TENM3: variants seen among roughly 807,000 people sequenced by gnomAD.
TENM3 encodes teneurin transmembrane protein 3.
TENM3 carries 63 observed loss-of-function variants against 255.1 expected under a neutral mutation model. The observed-to-expected ratio is 0.25, with a 90% CI of 0.20 to 0.30. The LOEUF is 0.30. Ranked by LOEUF, TENM3 falls within the 10% of genes least tolerant of loss-of-function variation. The probability of loss-of-function intolerance (pLI) is 1.00; values close to 1 mark genes in which losing one functional copy is unlikely to be tolerated. For missense variants in TENM3, 2,929 were observed against 3,461.1 expected (o/e 0.85, Z 3.86); for synonymous variants, 1,306 against 1,322.3 (o/e 0.99, Z 0.27).
intron 22 of TENM3, among the ~76,000 whole-genome samples, chr4:182,768,768 A>AC (rs1228601008): frequency 6.6e-6 from 1 of 152,190 alleles, no homozygotes; most frequent in Non-Finnish European, 1.5e-5. Context: ...CAAATTAAAG[A>AC]CCAACAAACA....
At chr4:182,021,850 T>A in the TENM3 span, among the ~76,000 whole-genome samples, 2 of 152,150 alleles carry the variant, frequency 1.3e-5, no homozygotes, top group African/African-American at 4.8e-5. Context: ...ATCACCTTTC[T>A]AATCAGAAAA....
the TENM3 span, among the ~76,000 whole-genome samples, chr4:181,607,026 G>A: frequency 6.6e-6 from 1 of 152,136 alleles, no homozygotes; most frequent in Non-Finnish European, 1.5e-5. Context: ...ACACAAGCTT[G>A]TTCACTTATA....
At chr4:181,516,365 A>AT in the TENM3 span, among the ~76,000 whole-genome samples, 5 of 73,888 alleles carry the variant, frequency 6.8e-5, no homozygotes, top group Non-Finnish European at 1.2e-4. Context: ...AATAAAAAAT[A>AT]TTTAAAAAAA....
the TENM3 span, among the ~76,000 whole-genome samples, chr4:181,813,807 A>T: frequency 6.6e-6 from 1 of 152,182 alleles, no homozygotes; most frequent in Non-Finnish European, 1.5e-5. Flanking sequence ...AGGTAGAAGG[A>T]GAAAAGGGAA....
chr4:182,329,334 C>G (rs1252919305), intron 2 of TENM3, among the ~76,000 whole-genome samples: 2 of 152,228 alleles, frequency 1.3e-5, no homozygotes, highest in Admixed American at 6.5e-5. Flanking sequence ...CCATGGCCCC[C>G]ACTTGGGCAA....
In TENM3 at chr4:182,582,859, C is replaced by G. The variant is rs540768622; in HGVS notation, c.512-18065C>G. On this transcript the variant is annotated intron_variant, in intron 3 of 27. Transcript: ENST00000511685. ...AACATTGAAGGAAAGGCAAGCTCTTCCTTACAGAAGTAATGAGAATCGCAG... is the reference window on the plus strand; with the variant it reads ...AACATTGAAGGAAAGGCAAGCTCTTGCTTACAGAAGTAATGAGAATCGCAG... 1.3e-3 allele frequency among the ~76,000 whole-genome samples: 202 copies of G among 152,274 alleles called. 1 individual carries two copies. The highest frequency in any genetic ancestry group is 4.6e-3 in the African/African-American group (193 of 41,556).
the TENM3 span, among the ~76,000 whole-genome samples, chr4:182,038,707 A>C: frequency 0.013 from 1,951 of 152,302 alleles, 45 homozygotes; most frequent in African/African-American, 0.044. Flanking sequence ...GAATAGCTGC[A>C]GGAAGCTAAA....
chr4:181,926,532 C>A, the TENM3 span, among the ~76,000 whole-genome samples: 9 of 152,232 alleles, frequency 5.9e-5, no homozygotes, highest in South Asian at 6.2e-4. Flanking sequence ...TAAGACCAAC[C>A]ATAAAATCTC....
the TENM3 span, among the ~76,000 whole-genome samples, chr4:181,468,142 A>G: frequency 5.3e-5 from 8 of 151,590 alleles, no homozygotes; most frequent in Non-Finnish European, 8.9e-5. Flanking sequence ...CAAAAAAAAA[A>G]AAAAATTGGT....
intron 2 of TENM3, among the ~76,000 whole-genome samples, chr4:182,330,432 G>C (rs1341756692): frequency 6.6e-6 from 1 of 152,210 alleles, no homozygotes; most frequent in Non-Finnish European, 1.5e-5. Context: ...AGATACGGCT[G>C]TTGCTTCCTC....
chr4:181,941,423 C>T, the TENM3 span, among the ~76,000 whole-genome samples: 1 of 151,870 alleles, frequency 6.6e-6, no homozygotes, highest in African/African-American at 2.4e-5. Flanking sequence ...TACAGTTCTT[C>T]CTACCTGTTG....
chr4:181,591,974 C>T, the TENM3 span, among the ~76,000 whole-genome samples: 1 of 151,766 alleles, frequency 6.6e-6, no homozygotes, highest in East Asian at 1.9e-4. Context: ...AAAAAAGAGT[C>T]CATACTCTAT....
At chr4:182,162,583 G>A (rs750900559) in intron 1 of TENM3, among the ~76,000 whole-genome samples, 16 of 152,268 alleles carry the variant, frequency 1.1e-4, no homozygotes, top group Non-Finnish European at 1.8e-4. Context: ...TCATGCTGCT[G>A]TAACAAGACA....
In TENM3 at chr4:182,601,102, C is replaced by T. The variant is rs758152460; in HGVS notation, c.690C>T (p.Pro230=). 73 of 1,613,636 alleles carry T rather than the reference C, an allele frequency of 4.5e-5. No homozygotes were observed. The highest frequency in any genetic ancestry group is 6.7e-5 in the Admixed American group (4 of 59,978). Residue 230 remains proline (P), a synonymous_variant, in exon 4 of 28, where the codon CCC becomes CCT. Coordinates refer to ENST00000511685, the MANE Select transcript of TENM3 (RefSeq NM_001080477.4). Reference sequence around the variant, plus strand: ...TGCCCGCCGAGCTGCAAACCACACCCGAGTCCGTCCAGCTGCAGGACAGCT... The same window carrying T: ...TGCCCGCCGAGCTGCAAACCACACCTGAGTCCGTCCAGCTGCAGGACAGCT... The part of the protein sequence containing the change: ...AALPAELQTT[P]ESVQLQDSWV...
the TENM3 span, among the ~76,000 whole-genome samples, chr4:182,039,138 G>A: frequency 6.6e-6 from 1 of 152,172 alleles, no homozygotes; most frequent in Non-Finnish European, 1.5e-5. Context: ...GAGGTCCGGA[G>A]CTAAAGTGTT....
intron 3 of TENM3, among the ~76,000 whole-genome samples, chr4:182,593,720 T>C (rs190249974): frequency 5.3e-5 from 8 of 152,222 alleles, no homozygotes; most frequent in Admixed American, 1.3e-4. Context: ...CTCTCCTCCT[T>C]TCCTCTCATC....
intron 3 of TENM3, among the ~76,000 whole-genome samples, chr4:182,357,641 C>T (rs76023906): frequency 0.16 from 23,986 of 148,560 alleles, 2,072 homozygotes; most frequent in Non-Finnish European, 0.19. Flanking sequence ...GAGTAGGTTG[C>T]GAAACTTTTC....
chr4:182,698,066 C>G (rs926007151), intron 12 of TENM3: 2 of 152,102 alleles, frequency 1.3e-5, no homozygotes, highest in Non-Finnish European at 1.5e-5. Context: ...TCCTTGCAGC[C>G]AGCATTGAGA....
At chr4:182,108,523 G>A in the TENM3 span, among the ~76,000 whole-genome samples, 4 of 151,982 alleles carry the variant, frequency 2.6e-5, no homozygotes, top group South Asian at 4.2e-4. Flanking sequence ...ACAAAAATGC[G>A]TTAAGCATCT....
Sources: allele counts gnomAD v4.1 joint callset (sites outside exome capture counted in the v4.1 genomes callset), GRCh38; gene constraint gnomAD v4.1.1; transcripts MANE v1.5; gene names NCBI Gene and HGNC (gene_info 2026-07-23, HGNC 2026-07-21).